FBXO38: variants seen among roughly 807,000 people sequenced by gnomAD.
FBXO38 encodes F-box protein 38.
In FBXO38, 53 loss-of-function variants were observed where a neutral mutation model predicts 131.9. The ratio of observed to expected loss-of-function variants is 0.40; its 90% confidence interval spans 0.32 to 0.51. FBXO38 has a LOEUF of 0.51. Ranked by LOEUF, FBXO38 falls within the 20% of genes least tolerant of loss-of-function variation. The pLI, the probability that FBXO38 is intolerant of heterozygous loss-of-function variation, is 0.53. For synonymous variants in FBXO38, 452 were observed against 505.6 expected (o/e 0.89, Z 1.42); for missense variants, 1,076 against 1,475.6 (o/e 0.73, Z 4.44).
chr5:148,421,776 A>G (rs1234579323), intron 12 of FBXO38, among the ~76,000 whole-genome samples: 1 of 152,194 alleles, frequency 6.6e-6, no homozygotes, highest in Non-Finnish European at 1.5e-5. Context: ...GGGCATCACC[A>G]TCCAATTTAA....
chr5:148,425,121 T>C (rs895483273), intron 13 of FBXO38, among the ~76,000 whole-genome samples: 7 of 152,252 alleles, frequency 4.6e-5, no homozygotes, highest in Non-Finnish European at 1.5e-5. Flanking sequence ...CTTCATTTAC[T>C]AGCCTTGGCT....
chr5:148,415,945 CGATT>C lies in FBXO38; in HGVS notation c.1284_1287del (p.Val430IlefsTer4). Reference sequence around the variant, plus strand: ...TTTAACAGACCACTCAAGATGGACTCGATTGGTTGATATCAACCTAGTACGGTGC... The same window carrying C: ...TTTAACAGACCACTCAAGATGGACTCGGTTGATATCAACCTAGTACGGTGC... On this transcript the variant is annotated frameshift_variant, in exon 11 of 22. Transcript: ENST00000340253. LOFTEE classifies it high-confidence loss of function. 1 of 1,613,526 alleles carries C rather than the reference CGATT, an allele frequency of 6.2e-7. No homozygotes were observed. The highest frequency in any genetic ancestry group is 8.5e-7 in the Non-Finnish European group (1 of 1,179,638).
At chr5:148,439,071 C>G (rs1754519412) in intron 18 of FBXO38, among the ~76,000 whole-genome samples, 1 of 152,130 alleles carries the variant, frequency 6.6e-6, no homozygotes. Context: ...TTAAAATATG[C>G]TGGGTGCAAA....
At chr5:148,431,202 T>C (rs2113641592) in intron 15 of FBXO38, among the ~76,000 whole-genome samples, 1 of 152,332 alleles carries the variant, frequency 6.6e-6, no homozygotes, top group South Asian at 2.1e-4. Context: ...AACCATCATA[T>C]GAGGTATTGT....
At position 148,416,044 on chromosome 5, in the gene FBXO38, G is replaced by T. The variant is rs1753033655; in HGVS notation, c.1381G>T (p.Asp461Tyr). Residue 461 changes from aspartate (D) to tyrosine (Y), a missense_variant, in exon 11 of 22, where the codon GAT becomes TAT. Asp to Tyr is a radical substitution (Grantham distance 160, BLOSUM62 -3). Around this residue, in one of 8 missense-constraint regions of FBXO38, gnomAD observed 146 missense variants for 274.3 expected, o/e 0.53. Transcript: ENST00000340253. ...LLPSLEFISL[D>Y]QMFREPPKGC... ...ACCCAGCCTAGAGTTTATTTCACTG[G>T]ATCAGATGTTTCGTGAACCACCCAA... The T allele has an allele frequency of 1.2e-6, 2 of 1,606,888 alleles. No homozygotes were observed. The highest frequency in any genetic ancestry group is 1.7e-6 in the Non-Finnish European group (2 of 1,176,420).
chr5:148,417,461 G>C (rs1561531785), intron 12 of FBXO38, among the ~76,000 whole-genome samples: 1 of 152,158 alleles, frequency 6.6e-6, no homozygotes, highest in South Asian at 2.1e-4. Context: ...AATTAGGGTA[G>C]AGTGGTAACT....
At chr5:148,407,216 G>A (rs191065483) in intron 7 of FBXO38, among the ~76,000 whole-genome samples, 361 of 152,272 alleles carry the variant, frequency 2.4e-3, no homozygotes, top group Admixed American at 4.7e-3. Flanking sequence ...TTGATTGATG[G>A]CGATAGTTAA....
chr5:148,400,412 A>G (rs1752079209), intron 3 of FBXO38, among the ~76,000 whole-genome samples: 1 of 152,148 alleles, frequency 6.6e-6, no homozygotes, highest in South Asian at 2.1e-4. Context: ...CCCATGTGAT[A>G]TAGTCTTACC....
chr5:148,431,572 T>G (rs963339611), intron 15 of FBXO38, among the ~76,000 whole-genome samples: 6 of 152,198 alleles, frequency 3.9e-5, no homozygotes, highest in Admixed American at 3.9e-4. Context: ...AACACTGTCA[T>G]GTAGTGGAAA....
intron 19 of FBXO38, 136 bp downstream of exon 19, chr5:148,439,928 G>A (rs564547993): frequency 1.1e-4 from 92 of 836,100 alleles, no homozygotes; most frequent in Admixed American, 6.3e-4. Context: ...TGAAGTTAAC[G>A]TAAGTAAGAA....
intron 10 of FBXO38, among the ~76,000 whole-genome samples, chr5:148,414,608 C>T (rs1264138728): frequency 6.6e-6 from 1 of 152,062 alleles, no homozygotes; most frequent in Non-Finnish European, 1.5e-5. Flanking sequence ...TCATTGTTAC[C>T]TAGGACTTAG....
rs534434326 is a variant in FBXO38 at position 148,400,737 on chromosome 5, G to A, written c.263-1245G>A. Among the ~76,000 whole-genome samples the A allele has an allele frequency of 2.6e-5, 4 of 152,078 alleles. No homozygotes were observed. The South Asian group carries it at 6.2e-4, about 24-fold the overall frequency. On this transcript the variant is annotated intron_variant, in intron 3 of 21. Coordinates refer to ENST00000340253, the MANE Select transcript of FBXO38 (RefSeq NM_205836.3). ...AACTTTCCCCATTTCTCTCGTGGGA[G>A]GCAACATGTATGACAAAAGAGGATA...
intron 12 of FBXO38, 114 bp downstream of exon 12, chr5:148,417,318 A>T: frequency 3.9e-6 from 3 of 773,634 alleles, no homozygotes; most frequent in Non-Finnish European, 6.5e-6. Context: ...TTCCACATTG[A>T]GGAAAGCTAG....
At chr5:148,410,587 C>T in intron 8 of FBXO38, 48 bp from the exon 9 acceptor site, 1 of 1,603,442 alleles carries the variant, frequency 6.2e-7, no homozygotes, top group Non-Finnish European at 8.5e-7. Context: ...ATCTTTGATT[C>T]TGATGGTTTT....
chr5:148,423,818 G>C, intron 12 of FBXO38, 180 bp from the exon 13 acceptor site: 1 of 505,648 alleles, frequency 2.0e-6, no homozygotes, highest in East Asian at 3.3e-5. Flanking sequence ...CCTGTAGACT[G>C]ATTAAATACT....
intron 3 of FBXO38, among the ~76,000 whole-genome samples, chr5:148,401,211 T>G (rs1194100439): frequency 6.6e-6 from 1 of 152,126 alleles, no homozygotes; most frequent in Non-Finnish European, 1.5e-5. Context: ...TGTAACAGAT[T>G]AAAATAGGAT....
chr5:148,425,945 C>G (rs944981997), intron 14 of FBXO38, among the ~76,000 whole-genome samples: 8 of 152,090 alleles, frequency 5.3e-5, no homozygotes, highest in African/African-American at 1.9e-4. Flanking sequence ...ACAGTGGAGG[C>G]TTCAGTTGTG....
chr5:148,419,993 C>T (rs1753314645), intron 12 of FBXO38, among the ~76,000 whole-genome samples: 1 of 150,268 alleles, frequency 6.7e-6, no homozygotes, highest in African/African-American at 2.5e-5. Context: ...AGGATATTAT[C>T]TTAAGTTTGT....
Position 148,388,976 on chromosome 5 carries a change from A to G in FBXO38, c.-64+4937A>G, listed in dbSNP as rs559917982. On this transcript the variant is annotated intron_variant, in intron 1 of 21. Coordinates refer to ENST00000340253, the MANE Select transcript of FBXO38 (RefSeq NM_205836.3). ...TTTGATTTAAAGTGAGAGATGCTCA[A>G]CTCTTCCTTTCACTTGAACACTTAG... is the stretch of plus-strand genomic sequence containing the variant. Among the ~76,000 whole-genome samples the G allele has an allele frequency of 1.7e-4, 26 of 152,222 alleles. No homozygotes were observed. In the South Asian group the frequency reaches 5.4e-3, roughly 32 times the overall value.
Sources: gnomAD v4.1 joint callset for allele counts (sites outside exome capture counted in the v4.1 genomes callset) on GRCh38, gnomAD v4.1.1 for gene constraint, gnomAD v4.1.1 regional missense constraint, MANE v1.5 for transcripts, NCBI Gene and HGNC (gene_info 2026-07-23, HGNC 2026-07-21) for gene names.